The following NUP107 variants were observed in gnomAD, a reference collection of about 807,000 sequenced individuals.
NUP107 encodes nuclear pore complex protein Nup107.
A neutral mutation model predicts 141.0 loss-of-function variants in NUP107; 101 were observed. That is an observed-to-expected ratio of 0.72 (90% confidence interval 0.61 to 0.84). The LOEUF (loss-of-function observed/expected upper bound fraction) is 0.84, where lower values mean the gene tolerates loss of function less well. Among genes scored for constraint, NUP107 ranks in the 40% least tolerant of loss-of-function variants. The pLI, the probability that NUP107 is intolerant of heterozygous loss-of-function variation, is 0.00. For missense variants in NUP107, 941 were observed against 1,102.7 expected, an observed-to-expected ratio of 0.85 and a Z score of 2.08; for synonymous variants, 319 against 363.9, an observed-to-expected ratio of 0.88 and a Z score of 1.41.
chr12:68,732,725 T>G lies in NUP107; in HGVS notation c.2087T>G (p.Met696Arg). 3 of 1,601,372 alleles carry G rather than the reference T, an allele frequency of 1.9e-6. No homozygotes were observed. The highest frequency in any genetic ancestry group is 2.6e-6 in the Non-Finnish European group (3 of 1,170,316). Residue 696 changes from methionine to arginine, a missense_variant, in exon 23 of 28, where the codon ATG (methionine) becomes AGG (arginine). Physicochemically the swap from Met to Arg is moderately conservative, Grantham distance 91. Coordinates refer to ENST00000229179, the MANE Select transcript of NUP107 (RefSeq NM_020401.4). ...GCACTGAAACAAGGCAATGCAATTA[T>G]GAGAAAATTCTTGGGTATAGTATAT... Reference protein sequence around the residue: ...AEALKQGNAIMRKFLASKKHE... With the variant: ...AEALKQGNAIRRKFLASKKHE...
intron 26 of NUP107, among the ~76,000 whole-genome samples, chr12:68,737,560 CAAAAAAAA>C (rs757208798): frequency 1.4e-5 from 1 of 72,070 alleles, no homozygotes; most frequent in Non-Finnish European, 2.7e-5. Flanking sequence ...GACCCTGTCT[CAAAAAAAA>C]AAAAAAAAAA....
intron 26 of NUP107, 81 bp downstream of exon 26, chr12:68,735,425 G>T: frequency 1.0e-6 from 1 of 960,304 alleles, no homozygotes; most frequent in South Asian, 1.3e-5. Flanking sequence ...CTCTAAATGG[G>T]AGCATCTACA....
chr12:68,732,613 CT>C (rs1877879318), intron 22 of NUP107, 23 bp from the exon 23 acceptor site: 19 of 1,444,516 alleles, frequency 1.3e-5, no homozygotes, highest in South Asian at 3.9e-5. Context: ...ATTCCTTTTT[CT>C]TTTTTTCCCC....
chr12:68,721,933 A>G lies in NUP107; in HGVS notation c.1404A>G (p.Ser468=), dbSNP rs1304875150. The G allele has an allele frequency of 1.3e-5, 21 of 1,614,088 alleles. No homozygotes were observed. Among genetic ancestry groups the G allele is most frequent in the Non-Finnish European group, 1.6e-5 (19 of 1,179,946 alleles). Residue 468 remains serine, a synonymous_variant, in exon 16 of 28, where the codon TCA becomes TCG. Coordinates refer to ENST00000229179, the MANE Select transcript of NUP107 (RefSeq NM_020401.4). ...TGGTAGAACAGGAGATCCAGACATC[A>G]GTAGCAACTCTGGATGAAACTGAAG... ...DSLVEQEIQT[S]VATLDETEEL... is the part of the protein sequence containing the mutation.
intron 12 of NUP107, 105 bp downstream of exon 12, chr12:68,715,845 C>A: frequency 1.7e-6 from 1 of 584,182 alleles, no homozygotes; most frequent in East Asian, 2.7e-5. Flanking sequence ...TGTAGTAATT[C>A]CATTCATGGT....
At chr12:68,696,727 A>G in intron 5 of NUP107, 92 bp from the exon 6 acceptor site, 1 of 711,696 alleles carries the variant, frequency 1.4e-6, no homozygotes, top group Non-Finnish European at 2.3e-6. Flanking sequence ...AAATAAATAA[A>G]CAAATAAATA....
intron 11 of NUP107, chr12:68,714,126 A>C (rs1876997998): frequency 4.7e-6 from 1 of 211,502 alleles, no homozygotes; most frequent in Non-Finnish European, 9.2e-6. Context: ...TTTTATGTTG[A>C]AAGCAAGTGA....
intron 22 of NUP107, 25 bp from the exon 23 acceptor site, chr12:68,732,612 T>A: frequency 1.4e-6 from 2 of 1,459,984 alleles, no homozygotes; most frequent in Non-Finnish European, 1.9e-6. Context: ...TATTCCTTTT[T>A]CTTTTTTTCC....
At chr12:68,713,375 C>CAAA (rs139024005) in intron 10 of NUP107, among the ~76,000 whole-genome samples, 1 of 87,400 alleles carries the variant, frequency 1.1e-5, no homozygotes, top group Non-Finnish European at 2.3e-5. Flanking sequence ...ACCCTGTCTC[C>CAAA]AAAAAAAAAA....
intron 26 of NUP107, among the ~76,000 whole-genome samples, 162 bp from the exon 27 acceptor site, chr12:68,741,651 C>T (rs1295843414): frequency 5.3e-5 from 8 of 152,194 alleles, no homozygotes; most frequent in Non-Finnish European, 1.2e-4. Flanking sequence ...TTTATTTTCA[C>T]TGTCATACCT....
intron 8 of NUP107, 164 bp from the exon 9 acceptor site, chr12:68,709,074 C>T (rs1363465066): frequency 2.1e-6 from 1 of 487,010 alleles, no homozygotes; most frequent in Admixed American, 3.9e-5. Context: ...ACAATAGATA[C>T]CTTTCAATGA....
rs1368510672 is a variant in NUP107, at chr12:68,735,336, G to A, written c.2494G>A (p.Val832Ile). ...TGTTGATGGAGGGTGGATGGTGGAT[G>A]TTAGAGAGGTAAGCTGTGTGCATTG... Reference protein sequence around the residue: ...LFVDGGWMVDVREDAKEDHER... With the variant: ...LFVDGGWMVDIREDAKEDHER... Residue 832 changes from valine to isoleucine, a missense_variant, in exon 26 of 28, where the codon GTT becomes ATT. Transcript: ENST00000229179. The A allele has an allele frequency of 6.2e-7, 1 of 1,612,154 alleles. No individual in the cohort carries two copies. The highest frequency in any genetic ancestry group is 8.5e-7 in the Non-Finnish European group (1 of 1,178,288).
intron 8 of NUP107, among the ~76,000 whole-genome samples, chr12:68,705,049 A>G (rs552910464): frequency 1.3e-5 from 2 of 151,722 alleles, no homozygotes; most frequent in African/African-American, 4.8e-5. Context: ...TGCCTGGCTA[A>G]TTTCTTTTTT....
At position 68,741,798 on chromosome 12, in the gene NUP107, G is replaced by C. The variant is rs769157035; in HGVS notation, c.2503-15G>C. The C allele has an allele frequency of 1.2e-6, 2 of 1,602,594 alleles. No homozygotes were observed. Among genetic ancestry groups the C allele is most frequent in the South Asian group, 2.2e-5 (2 of 89,952 alleles). ...GCTTAAATTGTTAAAATGATTTATT[G>C]ATGTCTGTTTGTAGGATGCCAAAGA... is the stretch of plus-strand genomic sequence containing the variant. On this transcript the variant is annotated splice_polypyrimidine_tract_variant and intron_variant, in intron 26 of 27. Transcript: ENST00000229179.
chr12:68,730,620 G>A (rs1224392182), intron 20 of NUP107, among the ~76,000 whole-genome samples: 1 of 152,248 alleles, frequency 6.6e-6, no homozygotes, highest in African/African-American at 2.4e-5. Flanking sequence ...AAAAATCCAC[G>A]GTTCAAACCT....
chr12:68,703,698 C>T (rs1222011361), intron 8 of NUP107, among the ~76,000 whole-genome samples: 1 of 152,148 alleles, frequency 6.6e-6, no homozygotes, highest in African/African-American at 2.4e-5. Context: ...ATCCGCCCAC[C>T]TCAGCCTCCC....
In NUP107 at chr12:68,725,839, T is replaced by G. The variant is rs764016302; in HGVS notation, c.1576+43T>G. 1,045 of 895,830 alleles carry G rather than the reference T, an allele frequency of 1.2e-3. 1 individual carries two copies. Among genetic ancestry groups the G allele is most frequent in the South Asian group, 3.7e-3 (213 of 57,822 alleles). 55.5% of individuals were successfully genotyped at this position (895,830 alleles called of 1,614,324 possible). On this transcript the variant is annotated intron_variant, in intron 18 of 27. Coordinates refer to ENST00000229179, the MANE Select transcript of NUP107 (RefSeq NM_020401.4). Reference sequence around the variant, plus strand: ...TTTACTTTGTGTTTTTTGTGTGTGTTTTTTTTTTTTTTTTTGAGACAAAGT... The same window carrying G: ...TTTACTTTGTGTTTTTTGTGTGTGTGTTTTTTTTTTTTTTTGAGACAAAGT...
chr12:68,702,027 T>G (rs931467435), intron 7 of NUP107, among the ~76,000 whole-genome samples: 1 of 152,188 alleles, frequency 6.6e-6, no homozygotes, highest in African/African-American at 2.4e-5. Flanking sequence ...CTCGCTCTGT[T>G]GCCCAGGCTG....
Position 68,725,710 on chromosome 12 carries a change from A to G in NUP107, c.1507-17A>G, listed in dbSNP as rs1403869048. 3 of 1,346,446 alleles carry G rather than the reference A, an allele frequency of 2.2e-6. No individual in the cohort carries two copies. Among genetic ancestry groups the G allele is most frequent in the African/African-American group, 2.9e-5 (2 of 67,892 alleles). The allele number at this position is 1,346,446 out of a possible 1,614,324, so 83.4% of individuals were successfully genotyped here. A position where few individuals can be genotyped will look rare whatever the true frequency, so the allele number is the denominator to read the frequency against. Reference sequence around the variant, plus strand: ...ACTGCTAGAAGATTTATGGAAAATTAAAAACTTTTTTTTCAGAGAGTTCTG... The same window carrying G: ...ACTGCTAGAAGATTTATGGAAAATTGAAAACTTTTTTTTCAGAGAGTTCTG... On this transcript the variant is annotated splice_polypyrimidine_tract_variant and intron_variant, in intron 17 of 27. Transcript: ENST00000229179.
Sources: gnomAD v4.1 joint callset for allele counts (sites outside exome capture counted in the v4.1 genomes callset) on GRCh38, gnomAD v4.1.1 for gene constraint, MANE v1.5 for transcripts, NCBI Gene and HGNC (gene_info 2026-07-23, HGNC 2026-07-21) for gene names.